OSTM1: variants seen among roughly 807,000 people sequenced by gnomAD.
OSTM1 encodes the protein osteoclastogenesis associated transmembrane protein 1.
OSTM1 carries 26 observed loss-of-function variants against 35.4 expected under a neutral mutation model. That is an observed-to-expected ratio of 0.73 (90% confidence interval 0.54 to 1.02). The LOEUF (loss-of-function observed/expected upper bound fraction) is 1.02, where lower values mean the gene tolerates loss of function less well. Among genes scored for constraint, OSTM1 ranks in the 50% least tolerant of loss-of-function variants. OSTM1 has a pLI of 0.00. For synonymous variants in OSTM1, 181 were observed against 165.0 expected (o/e 1.10, Z -0.75); for missense variants, 366 against 409.6 (o/e 0.89, Z 0.92).
chr6:108,046,033 G>C (rs1771963825), intron 5 of OSTM1, among the ~76,000 whole-genome samples: 1 of 151,768 alleles, frequency 6.6e-6, no homozygotes, highest in Admixed American at 6.6e-5. Context: ...CGGACTCTCG[G>C]CTTTGTCACC....
At chr6:108,072,693 A>G (rs1562377749) in intron 1 of OSTM1, among the ~76,000 whole-genome samples, 1 of 151,976 alleles carries the variant, frequency 6.6e-6, no homozygotes, top group Non-Finnish European at 1.5e-5. Context: ...GAGATTGACC[A>G]CAGAATTTAT....
chr6:108,051,090 T>G lies in OSTM1; in HGVS notation c.724A>C (p.Asn242His). ...GGTTCAGCCTTATTCTCAAGTTCATTCATTTTTTGCATTTCACTGTACAGA... is the reference window on the plus strand; with the variant it reads ...GGTTCAGCCTTATTCTCAAGTTCATGCATTTTTTGCATTTCACTGTACAGA... Reference protein sequence around the residue: ...SSLYSEMQKMNELENKAEPGT... With the variant: ...SSLYSEMQKMHELENKAEPGT... The change falls in exon 4 of 6, where the codon AAT (asparagine) becomes CAT (histidine). Residue 242 changes from asparagine (N) to histidine (H), a missense_variant. This residue lies in a region of OSTM1 where 125 missense variants were observed against 151.7 expected (regional missense o/e 0.82). Transcript: ENST00000193322. 3 of 1,613,850 alleles carry G rather than the reference T, an allele frequency of 1.9e-6. No homozygotes were observed. The highest frequency in any genetic ancestry group is 2.5e-6 in the Non-Finnish European group (3 of 1,179,794).
chr6:108,070,656 G>A (rs540915476), intron 1 of OSTM1, among the ~76,000 whole-genome samples: 32 of 151,922 alleles, frequency 2.1e-4, no homozygotes, highest in Admixed American at 5.9e-4. Flanking sequence ...CTGGGAGGCC[G>A]AGCCGGGTGG....
At chr6:108,053,289 T>C (rs1562371484) in intron 3 of OSTM1, among the ~76,000 whole-genome samples, 2 of 152,206 alleles carry the variant, frequency 1.3e-5, no homozygotes, top group African/African-American at 2.4e-5. Context: ...TGGACTGCAG[T>C]TGGCCACAGG....
At chr6:108,073,694 G>A (rs1160187850) in intron 1 of OSTM1, 4 of 158,238 alleles carry the variant, frequency 2.5e-5, no homozygotes, top group African/African-American at 9.6e-5. Context: ...GCTCCAGACT[G>A]TTCACATCAC....
intron 3 of OSTM1, among the ~76,000 whole-genome samples, chr6:108,052,360 G>A (rs1390602845): frequency 2.6e-5 from 4 of 151,362 alleles, no homozygotes. Flanking sequence ...GTGAACCCGG[G>A]AGGCGGAGCT....
At chr6:108,067,341 G>A (rs1416247298) in intron 1 of OSTM1, among the ~76,000 whole-genome samples, 1 of 152,106 alleles carries the variant, frequency 6.6e-6, no homozygotes, top group Non-Finnish European at 1.5e-5. Context: ...ATCTCTCTGA[G>A]GATGCCCTAG....
intron 2 of OSTM1, chr6:108,060,843 C>A (rs1353300410): frequency 6.6e-6 from 1 of 152,212 alleles, no homozygotes; most frequent in African/African-American, 2.4e-5. Context: ...AGTGAGTTAT[C>A]TCAATTAATT....
intron 1 of OSTM1, among the ~76,000 whole-genome samples, chr6:108,069,974 A>T (rs7764597): frequency 0.42 from 64,231 of 152,054 alleles, 17,074 homozygotes; most frequent in Middle Eastern, 0.63. Context: ...GAAGGGTAGA[A>T]AGAATGCCTT....
intron 2 of OSTM1, among the ~76,000 whole-genome samples, chr6:108,058,751 C>T (rs1006398395): frequency 6.6e-6 from 1 of 151,846 alleles, no homozygotes; most frequent in Non-Finnish European, 1.5e-5. Flanking sequence ...GCACTCCGGC[C>T]TGGGTGACAG....
chr6:108,049,616 T>C, intron 4 of OSTM1, 198 bp from the exon 5 acceptor site: 1 of 1,321,272 alleles, frequency 7.6e-7, no homozygotes, highest in South Asian at 1.6e-5. Flanking sequence ...TAGAAATTTA[T>C]ATCCATACAG....
At chr6:108,060,283 C>A (rs954231926) in intron 2 of OSTM1, among the ~76,000 whole-genome samples, 16 of 152,220 alleles carry the variant, frequency 1.1e-4, no homozygotes, top group Admixed American at 2.6e-4. Context: ...AGATAGGATG[C>A]CTCACAGAAG....
chr6:108,056,175 A>G (rs1772166687), intron 2 of OSTM1, among the ~76,000 whole-genome samples: 1 of 152,204 alleles, frequency 6.6e-6, no homozygotes, highest in Admixed American at 6.5e-5. Context: ...CTATGCTTAC[A>G]CTGCACTTTA....
chr6:108,064,538 CA>C lies in OSTM1; in HGVS notation c.403-240del, dbSNP rs766459412. ...CTTTGTTATCTAAATAGTTTGTACC[CA>C]GATGGAAAAATATGCTTTTGTAGAT... On this transcript the variant is annotated intron_variant, in intron 1 of 5. Coordinates refer to ENST00000193322, the MANE Select transcript of OSTM1 (RefSeq NM_014028.4). 1.9e-3 allele frequency among the ~76,000 whole-genome samples: 290 copies of C among 152,242 alleles called. 1 individual carries two copies. The highest frequency in any genetic ancestry group is 3.5e-3 in the Non-Finnish European group (239 of 68,020).
chr6:108,049,438 T>C lies in OSTM1; in HGVS notation c.784-20A>G, dbSNP rs2114591434. 1 of 1,610,924 alleles carries C rather than the reference T, an allele frequency of 6.2e-7. No homozygotes were observed. The highest frequency in any genetic ancestry group is 8.5e-7 in the Non-Finnish European group (1 of 1,177,432). On this transcript the variant is annotated intron_variant, in intron 4 of 5. Coordinates refer to ENST00000193322, the MANE Select transcript of OSTM1 (RefSeq NM_014028.4). ...GTTCATCTGGAACAAGAGCAAACAA[T>C]ATCTTTCTATTTTATATTTAACTTG...
At chr6:108,045,845 C>G (rs1771959081) in intron 5 of OSTM1, among the ~76,000 whole-genome samples, 1 of 152,150 alleles carries the variant, frequency 6.6e-6, no homozygotes, top group Non-Finnish European at 1.5e-5. Flanking sequence ...AACTAAGAGT[C>G]TCCCTACTTC....
chr6:108,061,228 G>A (rs1042230395), intron 2 of OSTM1, among the ~76,000 whole-genome samples: 4 of 151,872 alleles, frequency 2.6e-5, no homozygotes, highest in Non-Finnish European at 5.9e-5. Flanking sequence ...ACTGACAAGG[G>A]AAAAAAACTG....
rs149351232 is a variant in OSTM1, at chr6:108,062,812, G to A, written c.517+1373C>T. Among the ~76,000 whole-genome samples, 400 of 152,108 alleles carry A rather than the reference G, an allele frequency of 2.6e-3. 3 individuals carry two copies. Among genetic ancestry groups the A allele is most frequent in the Middle Eastern group, 0.014 (4 of 294 alleles). On this transcript the variant is annotated intron_variant, in intron 2 of 5. Coordinates refer to ENST00000193322, the MANE Select transcript of OSTM1 (RefSeq NM_014028.4). Reference sequence around the variant, plus strand: ...CAAAGTGCTGGGATTACAGGTGTGAGCCACCATGCCTGGTCTATAACCCCT... The same window carrying A: ...CAAAGTGCTGGGATTACAGGTGTGAACCACCATGCCTGGTCTATAACCCCT...
At chr6:108,070,378 G>A (rs1772459272) in intron 1 of OSTM1, among the ~76,000 whole-genome samples, 1 of 151,914 alleles carries the variant, frequency 6.6e-6, no homozygotes, top group Admixed American at 6.6e-5. Flanking sequence ...TCACTCTTTT[G>A]TTCTAAATTG....
Sources: allele counts gnomAD v4.1 joint callset (sites outside exome capture counted in the v4.1 genomes callset), GRCh38; gene constraint gnomAD v4.1.1; regional missense constraint gnomAD v4.1.1; transcripts MANE v1.5; gene names NCBI Gene and HGNC (gene_info 2026-07-23, HGNC 2026-07-21).